Variants in SNX25 observed in about 807,000 individuals in gnomAD.
SNX25 encodes the protein sorting nexin-25.
In SNX25, 62 loss-of-function variants were observed where a neutral mutation model predicts 113.7. The ratio of observed to expected loss-of-function variants is 0.55; its 90% CI spans 0.44 to 0.67. The LOEUF is 0.67. Ranked by LOEUF, SNX25 falls within the 30% of genes least tolerant of loss-of-function variation. SNX25 has a pLI of 0.00. For synonymous variants in SNX25, 421 were observed against 436.2 expected (o/e 0.97, Z 0.43); for missense variants, 1,014 against 1,161.0 (o/e 0.87, Z 1.84).
At chr4:185,259,605 T>G (rs556138033) in intron 3 of SNX25, among the ~76,000 whole-genome samples, 1 of 152,324 alleles carries the variant, frequency 6.6e-6, no homozygotes, top group Non-Finnish European at 1.5e-5. Context: ...GTGACAGTTG[T>G]ACATATTGGA....
At chr4:185,219,452 A>T (rs977263727) in intron 1 of SNX25, among the ~76,000 whole-genome samples, 11 of 152,024 alleles carry the variant, frequency 7.2e-5, no homozygotes, top group Non-Finnish European at 1.3e-4. Flanking sequence ...CCAGCTACTC[A>T]GGAGGCTGAG....
intron 5 of SNX25, among the ~76,000 whole-genome samples, chr4:185,277,057 C>G (rs1749808015): frequency 6.6e-6 from 1 of 152,182 alleles, no homozygotes; most frequent in African/African-American, 2.4e-5. Context: ...AGGAGTCTCG[C>G]TCTGTCACCC....
chr4:185,371,631 C>T (rs1462332344), downstream of SNX25, among the ~76,000 whole-genome samples: 1 of 151,510 alleles, frequency 6.6e-6, no homozygotes, highest in African/African-American at 2.4e-5. Flanking sequence ...GAATGTGATC[C>T]AGTCAACTCC....
chr4:185,357,646 A>T, intron 15 of SNX25, 25 bp from the exon 16 acceptor site: 3 of 1,603,216 alleles, frequency 1.9e-6, no homozygotes, highest in Non-Finnish European at 2.6e-6. Flanking sequence ...TGTGATAAAA[A>T]GTTTTCCTCT....
chr4:185,310,645 T>C lies in SNX25; in HGVS notation c.1173T>C (p.Thr391=), dbSNP rs1346557842. 7.4e-6 allele frequency: 12 copies of C among 1,612,908 alleles called. No homozygotes were observed. In the South Asian group the frequency reaches 7.7e-5, roughly 10 times the overall value. The change falls in exon 7 of 19, where the codon ACT becomes ACC. Residue 391 remains threonine, a synonymous_variant. Transcript: ENST00000652585. ...PQLKRHKGKE[T]AAMKADLLRA... ...TCACTCCTATTCAAGGTAAAGAAAC[T>C]GCGGCAATGAAAGCTGATCTCCTGA...
At chr4:185,207,246 T>C (rs754133859), upstream of SNX25, among the ~76,000 whole-genome samples, 1 of 122,530 alleles carries the variant, frequency 8.2e-6, no homozygotes, top group Non-Finnish European at 1.6e-5. Flanking sequence ...TGAGACGGAG[T>C]CTCGCTGTCG....
rs923066734 is a variant in SNX25, at chr4:185,332,834, A to T, written c.1914+75A>T. 3 of 1,425,172 alleles carry T rather than the reference A, an allele frequency of 2.1e-6. No individual in the cohort carries two copies. In the African/African-American group the frequency reaches 4.3e-5, roughly 20 times the overall value. 88.3% of individuals were successfully genotyped at this position (1,425,172 alleles called of 1,614,324 possible). ...TTGGTAGTTTTCAGTTGAGGTTGAG[A>T]AGTGTCAGTTTCTTTTAAAATAATT... On this transcript the variant is annotated intron_variant, in intron 10 of 18. Transcript: ENST00000652585.
Position 185,353,508 on chromosome 4 carries a change from C to A in SNX25, c.2490C>A (p.Asp830Glu). 1 of 1,613,678 alleles carries A rather than the reference C, an allele frequency of 6.2e-7. No homozygotes were observed. Among genetic ancestry groups the A allele is most frequent in the Non-Finnish European group, 8.5e-7 (1 of 1,179,566 alleles). Residue 830 changes from aspartate to glutamate, a missense_variant, in exon 15 of 19, where the codon GAC (aspartate) becomes GAA (glutamate). Coordinates refer to ENST00000652585, the MANE Select transcript of SNX25 (RefSeq NM_001378034.2). ...HQEEETEEDSDLSDYGDDVDG... is the reference protein window; with the variant it reads ...HQEEETEEDSELSDYGDDVDG... Reference sequence around the variant, plus strand: ...AGGAGGAGACAGAGGAGGACAGTGACCTGTCAGATTATGGTGATGATGTGG... The same window carrying A: ...AGGAGGAGACAGAGGAGGACAGTGAACTGTCAGATTATGGTGATGATGTGG...
chr4:185,341,455 T>C (rs2095259520), intron 11 of SNX25, among the ~76,000 whole-genome samples: 1 of 152,368 alleles, frequency 6.6e-6, no homozygotes, highest in East Asian at 1.9e-4. Flanking sequence ...TTTTGCTGTG[T>C]AACACATTTC....
At chr4:185,286,400 T>C (rs1011031650) in intron 5 of SNX25, among the ~76,000 whole-genome samples, 1 of 152,206 alleles carries the variant, frequency 6.6e-6, no homozygotes, top group Non-Finnish European at 1.5e-5. Flanking sequence ...TGTGAGCCAC[T>C]GTGCCCGGCC....
chr4:185,270,427 A>G (rs1748761176), intron 5 of SNX25, among the ~76,000 whole-genome samples: 1 of 152,264 alleles, frequency 6.6e-6, no homozygotes, highest in African/African-American at 2.4e-5. Context: ...GATTAAAGGG[A>G]TAGCACCTGG....
chr4:185,372,832 C>T, downstream of SNX25: 1 of 1,531,402 alleles, frequency 6.5e-7, no homozygotes, highest in Non-Finnish European at 9.0e-7. Context: ...GTTACAGCAG[C>T]ACAGAACAGA....
intron 13 of SNX25, among the ~76,000 whole-genome samples, chr4:185,349,250 C>G (rs144892465): frequency 2.0e-5 from 3 of 152,238 alleles, no homozygotes; most frequent in African/African-American, 4.8e-5. Flanking sequence ...TGCATGTAGC[C>G]CGCGGGCTGT....
chr4:185,348,231 T>C (rs1399021764), intron 13 of SNX25, among the ~76,000 whole-genome samples: 4 of 152,218 alleles, frequency 2.6e-5, no homozygotes, highest in Non-Finnish European at 4.4e-5. Context: ...CATGGAACTT[T>C]GCCTCATAAA....
At chr4:185,317,617 T>C (rs1194907928) in intron 7 of SNX25, among the ~76,000 whole-genome samples, 1 of 152,168 alleles carries the variant, frequency 6.6e-6, no homozygotes, top group Non-Finnish European at 1.5e-5. Flanking sequence ...GTGGCACATA[T>C]ACACCATGGA....
At chr4:185,343,293 T>C (rs2095269545) in intron 12 of SNX25, among the ~76,000 whole-genome samples, 1 of 152,214 alleles carries the variant, frequency 6.6e-6, no homozygotes, top group Admixed American at 6.5e-5. Flanking sequence ...ATTAAGGGAA[T>C]ATATGTATAT....
upstream of SNX25, among the ~76,000 whole-genome samples, chr4:185,205,371 T>C (rs1157193817): frequency 6.6e-6 from 1 of 152,062 alleles, no homozygotes; most frequent in Non-Finnish European, 1.5e-5. Flanking sequence ...GGAGAATCGC[T>C]TGAACTCCGG....
chr4:185,210,517 A>G lies in SNX25; in HGVS notation c.429+262A>G, dbSNP rs902752583. Among the ~76,000 whole-genome samples, 6 of 152,204 alleles carry G rather than the reference A, an allele frequency of 3.9e-5. No homozygotes were observed. Among genetic ancestry groups the G allele is most frequent in the Admixed American group, 2.0e-4 (3 of 15,288 alleles). Reference sequence around the variant, plus strand: ...TACTGGGCTCTGTAGTCACTCGACAACCATCCTCAGTCACAACCCTAAGGG... The same window carrying G: ...TACTGGGCTCTGTAGTCACTCGACAGCCATCCTCAGTCACAACCCTAAGGG... On this transcript the variant is annotated intron_variant, in intron 1 of 18. Transcript: ENST00000652585. The surrounding 1 kb of genome is among the most constrained non-coding windows in gnomAD (Gnocchi z 4.4).
intron 14 of SNX25, among the ~76,000 whole-genome samples, chr4:185,351,829 G>C (rs2095316287): frequency 6.6e-6 from 1 of 152,008 alleles, no homozygotes; most frequent in Non-Finnish European, 1.5e-5. Context: ...AATGCGAGTA[G>C]GAAGTTCTGC....
Sources: gnomAD v4.1 joint callset for allele counts (sites outside exome capture counted in the v4.1 genomes callset) on GRCh38, gnomAD v4.1.1 for gene constraint, Gnocchi (gnomAD v3.1) non-coding constraint, MANE v1.5 for transcripts, NCBI Gene and HGNC (gene_info 2026-07-23, HGNC 2026-07-21) for gene names.